The following GANC variants were observed in gnomAD, a reference collection of about 807,000 sequenced individuals.
The protein encoded by GANC is glucosidase alpha, neutral C.
A neutral mutation model predicts 124.2 loss-of-function variants in GANC; 117 were observed. That is an observed-to-expected ratio of 0.94 (90% CI 0.81 to 1.10). The LOEUF (loss-of-function observed/expected upper bound fraction) is 1.10, where lower values mean the gene tolerates loss of function less well. GANC is among the 50% of genes least tolerant of loss of function. GANC has a pLI of 0.00. For missense variants in GANC, 1,140 were observed against 1,095.0 expected (o/e 1.04, Z -0.58); for synonymous variants, 377 against 376.8 (o/e 1.00, Z -0.01).
chr15:42,301,396 C>T (rs138350275), intron 6 of GANC, among the ~76,000 whole-genome samples: 1 of 152,270 alleles, frequency 6.6e-6, no homozygotes, highest in African/African-American at 2.4e-5. Context: ...GGTGCCTACA[C>T]CACCAGGGCT....
At position 42,341,968 on chromosome 15, in the gene GANC, T is replaced by G. The variant is rs545990942; in HGVS notation, c.2153-1110T>G. Among the ~76,000 whole-genome samples, 4 of 152,208 alleles carry G rather than the reference T, an allele frequency of 2.6e-5. 1 individual carries two copies. Among genetic ancestry groups the G allele is most frequent in the Non-Finnish European group, 4.4e-5 (3 of 68,030 alleles). The stretch of plus-strand genomic sequence containing the variant: ...CCACTCCTGGTTTCCTTATACCTTA[T>G]TCTACCTAGTAAAAATCAGCCCCTC... On this transcript the variant is annotated intron_variant, in intron 18 of 23. Transcript: ENST00000318010.
At chr15:42,333,529 C>G (rs1252679457) in intron 15 of GANC, among the ~76,000 whole-genome samples, 1 of 152,126 alleles carries the variant, frequency 6.6e-6, no homozygotes, top group Admixed American at 6.6e-5. Context: ...AAACTCTTAG[C>G]AACTCTTCAG....
intron 12 of GANC, 120 bp from the exon 13 acceptor site, chr15:42,327,243 A>T (rs1203710199): frequency 2.2e-5 from 15 of 683,798 alleles, no homozygotes; most frequent in Middle Eastern, 2.6e-4. Context: ...CTGTCAGCCA[A>T]CTTTCGTGTT....
At position 42,274,456 on chromosome 15, in the gene GANC, G is replaced by T. The variant is rs764681225; in HGVS notation, c.-26G>T. Reference sequence around the variant, plus strand: ...CCAGGGCCCTTGTCCTGAGAGCTGGGAGCTGGTCGGAGTGACAGAGAAGCC... The same window carrying T: ...CCAGGGCCCTTGTCCTGAGAGCTGGTAGCTGGTCGGAGTGACAGAGAAGCC... On this transcript the variant is annotated 5_prime_UTR_variant, in exon 1 of 24. Coordinates refer to ENST00000318010, the MANE Select transcript of GANC (RefSeq NM_198141.3). The T allele has an allele frequency of 1.2e-6, 2 of 1,608,822 alleles. No individual in the cohort carries two copies. Among genetic ancestry groups the T allele is most frequent in the Non-Finnish European group, 1.7e-6 (2 of 1,177,792 alleles).
rs774500610 is a variant in GANC, at chr15:42,329,379, T to C, written c.1574T>C (p.Met525Thr). The C allele has an allele frequency of 6.2e-7, 1 of 1,614,068 alleles. No individual in the cohort carries two copies. The highest frequency in any genetic ancestry group is 1.1e-5 in the South Asian group (1 of 91,076). The part of the protein sequence containing the change: ...PSVFRGPEQT[M>T]QKNAIHHGNW... The stretch of plus-strand genomic sequence containing the variant: ...GTCTTTAGAGGGCCAGAGCAAACCA[T>C]GCAGAAGAATGCCATTCATCATGGC... Residue 525 changes from methionine (M) to threonine (T), a missense_variant, in exon 14 of 24, where the codon ATG becomes ACG. Physicochemically the swap from Met to Thr is moderately conservative, Grantham distance 81. Transcript: ENST00000318010.
chr15:42,292,907 CACAA>C lies in GANC; in HGVS notation c.508_511del (p.Gln170GlufsTer110), dbSNP rs745346596. 2.5e-6 allele frequency: 4 copies of C among 1,613,640 alleles called. No homozygotes were observed. In the East Asian group the frequency reaches 6.7e-5, roughly 27 times the overall value. Reference sequence around the variant, plus strand: ...ATACTTTGAGCATCTACAGATTCTTCACAAACAAAGGTATTCTTATGCATTACTT... The same window carrying C: ...ATACTTTGAGCATCTACAGATTCTTCACAAAGGTATTCTTATGCATTACTT... On this transcript the variant is annotated frameshift_variant, in exon 5 of 24. Transcript: ENST00000318010. LOFTEE classifies it high-confidence loss of function.
intron 15 of GANC, among the ~76,000 whole-genome samples, chr15:42,337,982 AC>A (rs2141071955): frequency 6.6e-6 from 1 of 152,026 alleles, no homozygotes; most frequent in Admixed American, 6.6e-5. Context: ...ACTCACTTGA[AC>A]CCTGGGAGGC....
chr15:42,351,237 G>A, intron 22 of GANC, 92 bp from the exon 23 acceptor site: 1 of 828,728 alleles, frequency 1.2e-6, no homozygotes. Context: ...AGGGACAGAT[G>A]GGAGAGGAAC....
chr15:42,301,901 G>A (rs2051949107), intron 6 of GANC, among the ~76,000 whole-genome samples: 1 of 152,220 alleles, frequency 6.6e-6, no homozygotes, highest in African/African-American at 2.4e-5. Context: ...GAGCACCTGG[G>A]GGAAGGGACA....
In GANC at chr15:42,330,602, A is replaced by G. The variant is rs943315336; in HGVS notation, c.1671A>G (p.Ile557Met). 3.7e-6 allele frequency: 6 copies of G among 1,611,574 alleles called. No individual in the cohort carries two copies. In the African/African-American group the frequency reaches 8.0e-5, roughly 22 times the overall value. ...YHQMATAEGLIKRSKGKERPF... is the reference protein window; with the variant it reads ...YHQMATAEGLMKRSKGKERPF... ...AAATGGCTACTGCAGAAGGACTGAT[A>G]AAACGATCTAAAGGGAAGGAGAGAC... is the stretch of plus-strand genomic sequence containing the variant. Residue 557 changes from isoleucine to methionine, a missense_variant, in exon 15 of 24, where the codon ATA becomes ATG. By Grantham distance (10) the Ile-to-Met change is conservative. Transcript: ENST00000318010.
intron 10 of GANC, chr15:42,313,985 TG>T (rs2052080410): frequency 2.3e-5 from 9 of 388,816 alleles, no homozygotes; most frequent in Non-Finnish European, 4.3e-5. Context: ...ACAAAATTAA[TG>T]TAATAGTGAC....
In GANC at chr15:42,273,848, G is replaced by A. The variant is rs1298770179; in HGVS notation, c.-634G>A. On this transcript the variant is annotated 5_prime_UTR_variant, in exon 1 of 24. In the 5' UTR this introduces an upstream ATG that the reference lacks. Transcript: ENST00000318010. ...TCTAGTAGTGAGTTCTCCGGTTTGG[G>A]TGGTATTTAAGCAAAGGCTGGAATT... 1 of 201,150 alleles carries A rather than the reference G, an allele frequency of 5.0e-6. No homozygotes were observed. Among genetic ancestry groups the A allele is most frequent in the Non-Finnish European group, 1.0e-5 (1 of 96,376 alleles). The allele number at this position is 201,150 out of a possible 1,614,324, so 12.5% of individuals were successfully genotyped here.
chr15:42,329,261 G>A, intron 13 of GANC, 45 bp from the exon 14 acceptor site: 1 of 1,577,726 alleles, frequency 6.3e-7, no homozygotes, highest in Non-Finnish European at 8.6e-7. Context: ...CTATTATATA[G>A]ACATCATCAA....
intron 16 of GANC, among the ~76,000 whole-genome samples, chr15:42,339,268 G>A (rs1458800130): frequency 6.8e-6 from 1 of 147,162 alleles, no homozygotes; most frequent in Non-Finnish European, 1.5e-5. Flanking sequence ...TTCAGCTGTT[G>A]CTTCCAAAGG....
intron 12 of GANC, among the ~76,000 whole-genome samples, 181 bp downstream of exon 12, chr15:42,326,605 A>G (rs116228313): frequency 0.017 from 2,533 of 152,290 alleles, 73 homozygotes; most frequent in African/African-American, 0.059. Flanking sequence ...ACCTGGTACT[A>G]TATGCTTTGT....
At chr15:42,338,187 ATGTT>A (rs2052298588) in intron 15 of GANC, among the ~76,000 whole-genome samples, 198 bp from the exon 16 acceptor site, 1 of 152,218 alleles carries the variant, frequency 6.6e-6, no homozygotes, top group African/African-American at 2.4e-5. Flanking sequence ...TTTTCCTAGA[ATGTT>A]TGTTTTGTAG....
chr15:42,341,567 ATT>A (rs569629807), intron 18 of GANC, among the ~76,000 whole-genome samples: 14,499 of 143,186 alleles, frequency 0.1, 812 homozygotes, highest in South Asian at 0.19. Flanking sequence ...TCTGAGTTCT[ATT>A]TTTTTTTTTT....
At chr15:42,307,388 C>T (rs549223852) in intron 7 of GANC, among the ~76,000 whole-genome samples, 10 of 144,700 alleles carry the variant, frequency 6.9e-5, no homozygotes, top group Admixed American at 6.6e-4. Context: ...GGCTGGAGTG[C>T]AGTGGCATGA....
At chr15:42,351,022 C>T (rs1330403554) in intron 22 of GANC, among the ~76,000 whole-genome samples, 1 of 151,826 alleles carries the variant, frequency 6.6e-6, no homozygotes, top group African/African-American at 2.4e-5. Context: ...CAGGCACCCA[C>T]CACCACTCCT....
Sources: gnomAD v4.1 joint callset for allele counts (sites outside exome capture counted in the v4.1 genomes callset) on GRCh38, gnomAD v4.1.1 for gene constraint, MANE v1.5 for transcripts, NCBI Gene and HGNC (gene_info 2026-07-23, HGNC 2026-07-21) for gene names.